The following RIC3 variants were observed in gnomAD, a reference collection of about 807,000 sequenced individuals.
The protein encoded by RIC3 is RIC3 acetylcholine receptor chaperone.
In RIC3, 28 loss-of-function variants were observed where a neutral mutation model predicts 27.3. That is an observed-to-expected ratio of 1.02 (90% CI 0.76 to 1.41). RIC3 has a LOEUF of 1.41. Ranked by LOEUF, RIC3 falls within the 40% of genes most tolerant of loss-of-function variation. RIC3 has a pLI of 0.00. For missense variants in RIC3, 501 were observed against 444.7 expected, an observed-to-expected ratio of 1.13 and a Z score of -1.14; for synonymous variants, 184 against 160.4, an observed-to-expected ratio of 1.15 and a Z score of -1.11.
chr11:8,152,044 C>A (rs939613698), intron 1 of RIC3, among the ~76,000 whole-genome samples: 10 of 151,978 alleles, frequency 6.6e-5, no homozygotes, highest in Non-Finnish European at 1.5e-5. Context: ...ATCAAACTCA[C>A]GAGGAGATAC....
chr11:8,140,248 A>G, intron 1 of RIC3, 55 bp from the exon 2 acceptor site: 1 of 1,476,320 alleles, frequency 6.8e-7, no homozygotes, highest in Admixed American at 2.1e-5. Context: ...GATGGCTATC[A>G]TGAAAACACC....
At chr11:8,139,894 T>C (rs560942193) in intron 2 of RIC3, 73 bp downstream of exon 2, 1 of 1,335,410 alleles carries the variant, frequency 7.5e-7, no homozygotes, top group South Asian at 1.3e-5. Flanking sequence ...TAAGAAGTTT[T>C]AATGTAGACA....
chr11:8,135,071 C>T (rs1304007865), intron 4 of RIC3, among the ~76,000 whole-genome samples: 1 of 150,934 alleles, frequency 6.6e-6, no homozygotes, highest in Non-Finnish European at 1.5e-5. Context: ...TTGTCCACGC[C>T]TATGGTATTG....
the RIC3 span, chr11:8,097,286 A>G: frequency 1.5e-5 from 25 of 1,614,208 alleles, no homozygotes; most frequent in Non-Finnish European, 2.0e-5. Context: ...GTTGAGGTCC[A>G]GGATCTTGAG....
intron 4 of RIC3, chr11:8,128,336 G>A (rs4424661): frequency 0.036 from 16,325 of 453,122 alleles, 845 homozygotes; most frequent in Admixed American, 0.16. Flanking sequence ...TAAGTCATGG[G>A]AAATCAGAAG....
In RIC3 at chr11:8,137,395, C is replaced by A. The variant is rs201157012; in HGVS notation, c.504G>T (p.Val168=). ...AAACCTACCTCTCACCATTAGGTCC[C>A]ACTCTGTTGATTAATTTTTCCATGG... ...EAAMEKLINR[V]GPNGESRAQT... is the part of the protein sequence containing the mutation. The change falls in exon 4 of 6, where the codon GTG becomes GTT. Residue 168 remains valine, a synonymous_variant. Coordinates refer to ENST00000309737, the MANE Select transcript of RIC3 (RefSeq NM_001206671.4). The A allele has an allele frequency of 7.4e-5, 120 of 1,613,842 alleles. No individual in the cohort carries two copies. The highest frequency in any genetic ancestry group is 6.6e-5 in the Non-Finnish European group (78 of 1,179,902).
chr11:8,161,060 G>A lies in RIC3; in HGVS notation c.124+7806C>T, dbSNP rs555987013. On this transcript the variant is annotated intron_variant, in intron 1 of 5. Transcript: ENST00000309737. The stretch of plus-strand genomic sequence containing the variant: ...TTCAATATTTCAAGGGGAAAAGTGA[G>A]CTGGAGGGGAAAGAAGGGTATGGTA... Among the ~76,000 whole-genome samples the A allele has an allele frequency of 2.6e-3, 403 of 152,310 alleles. 3 individuals carry two copies. Among genetic ancestry groups the A allele is most frequent in the African/African-American group, 9.4e-3 (391 of 41,570 alleles).
intron 4 of RIC3, among the ~76,000 whole-genome samples, chr11:8,130,541 C>A (rs565353830): frequency 6.6e-6 from 1 of 152,304 alleles, no homozygotes; most frequent in East Asian, 1.9e-4. Flanking sequence ...TGTCTGCAAC[C>A]AAGGAACCCT....
chr11:8,138,608 T>A (rs776682483), intron 2 of RIC3: 3 of 414,046 alleles, frequency 7.2e-6, no homozygotes, highest in Non-Finnish European at 1.3e-5. Flanking sequence ...TAATTAGGAA[T>A]AGTAACTTCT....
the RIC3 span, chr11:8,100,680 G>T: frequency 6.6e-7 from 1 of 1,510,190 alleles, no homozygotes; most frequent in Non-Finnish European, 9.1e-7. Flanking sequence ...AACTCCAGCT[G>T]ATGTGTGTAT....
At chr11:8,126,236 A>G (rs771650488) in intron 5 of RIC3, among the ~76,000 whole-genome samples, 2 of 152,224 alleles carry the variant, frequency 1.3e-5, no homozygotes, top group Non-Finnish European at 2.9e-5. Context: ...AAATTATGGT[A>G]TAAGTATATA....
At chr11:8,151,286 C>T (rs910063895) in intron 1 of RIC3, among the ~76,000 whole-genome samples, 3 of 152,114 alleles carry the variant, frequency 2.0e-5, no homozygotes, top group African/African-American at 7.2e-5. Context: ...TCTTACCACG[C>T]AACATTAAAA....
At chr11:8,098,665 G>A in the RIC3 span, 1 of 912,810 alleles carries the variant, frequency 1.1e-6, no homozygotes, top group Non-Finnish European at 1.7e-6. Context: ...AGCCCAGAAT[G>A]TTTTGCAGGC....
downstream of RIC3, chr11:8,101,373 C>G: frequency 7.3e-7 from 1 of 1,363,858 alleles, no homozygotes; most frequent in Non-Finnish European, 1.0e-6. Flanking sequence ...CCCCTGGCAT[C>G]TCTGCTTCTC....
At chr11:8,134,694 G>C (rs1285666090) in intron 4 of RIC3, among the ~76,000 whole-genome samples, 1 of 152,096 alleles carries the variant, frequency 6.6e-6, no homozygotes, top group Non-Finnish European at 1.5e-5. Flanking sequence ...CATTCTAACT[G>C]GTGTGAGGTG....
rs12275309 is a variant in RIC3, at chr11:8,113,699, T to C, written c.671-2562A>G. ...TAGCCCAACCCAGTAGACCCCAGCA[T>C]TGGGCCGGCCCTCAGAACCCCAGGA... On this transcript the variant is annotated intron_variant, in intron 5 of 5. Coordinates refer to ENST00000309737, the MANE Select transcript of RIC3 (RefSeq NM_001206671.4). Among the ~76,000 whole-genome samples, 1,076 of 152,188 alleles carry C rather than the reference T, an allele frequency of 7.1e-3. 5 individuals are homozygous for C. The highest frequency in any genetic ancestry group is 0.048 in the Middle Eastern group (14 of 294).
chr11:8,102,411 C>G (rs537097834), downstream of RIC3: 1 of 152,214 alleles, frequency 6.6e-6, no homozygotes, highest in Non-Finnish European at 1.5e-5. Flanking sequence ...AACAGGGTCC[C>G]TGGATCAGGG....
the RIC3 span, chr11:8,100,920 A>G: frequency 1.2e-6 from 2 of 1,614,166 alleles, no homozygotes; most frequent in Admixed American, 1.7e-5. Flanking sequence ...GATGACACAC[A>G]GTCCTATGTA....
chr11:8,133,461 G>C (rs1309407172), intron 4 of RIC3, among the ~76,000 whole-genome samples: 1 of 152,148 alleles, frequency 6.6e-6, no homozygotes, highest in East Asian at 1.9e-4. Context: ...TCACATCTGA[G>C]AACTAAAAAA....
Sources: gnomAD v4.1 joint callset for allele counts (sites outside exome capture counted in the v4.1 genomes callset) on GRCh38, gnomAD v4.1.1 for gene constraint, MANE v1.5 for transcripts, NCBI Gene and HGNC (gene_info 2026-07-23, HGNC 2026-07-21) for gene names.